Variants in MTA3 observed in about 807,000 individuals in gnomAD.
MTA3 encodes the protein metastasis-associated protein MTA3.
A neutral mutation model predicts 83.5 loss-of-function variants in MTA3; 34 were observed. The ratio of observed to expected loss-of-function variants is 0.41; its 90% CI spans 0.31 to 0.54. The LOEUF is 0.54. MTA3 is among the 20% of genes least tolerant of loss of function. The pLI, the probability that MTA3 is intolerant of heterozygous loss-of-function variation, is 0.33. For synonymous variants in MTA3, 303 were observed against 252.7 expected, an observed-to-expected ratio of 1.20 and a Z score of -1.89; for missense variants, 761 against 726.4, an observed-to-expected ratio of 1.05 and a Z score of -0.55.
chr2:42,743,279 G>A (rs538756011), intron 16 of MTA3, among the ~76,000 whole-genome samples: 3 of 152,320 alleles, frequency 2.0e-5, no homozygotes, highest in South Asian at 2.1e-4. Flanking sequence ...GGGACAAGGC[G>A]ATTGCCTGCT....
At chr2:42,530,492 A>G (rs79893866) in intron 2 of MTA3, among the ~76,000 whole-genome samples, 8 of 60,024 alleles carry the variant, frequency 1.3e-4, no homozygotes, top group Non-Finnish European at 2.1e-4. Context: ...GTCTCAAAGG[A>G]AAAAAAAAAG....
At chr2:42,741,178 C>A (rs547125009) in intron 16 of MTA3, among the ~76,000 whole-genome samples, 1 of 152,246 alleles carries the variant, frequency 6.6e-6, no homozygotes, top group African/African-American at 2.4e-5. Context: ...AACTTTTCTT[C>A]TCCAGCTTCC....
At chr2:42,517,376 G>C (rs527452237) in intron 2 of MTA3, among the ~76,000 whole-genome samples, 1 of 151,484 alleles carries the variant, frequency 6.6e-6, no homozygotes, top group East Asian at 2.0e-4. Flanking sequence ...GGTCAAGACC[G>C]GCATGGCCAA....
chr2:42,525,494 C>CCTTCTTTCCTTCCTTCCTTCCTTT (rs1675651123), intron 2 of MTA3, among the ~76,000 whole-genome samples: 1 of 149,570 alleles, frequency 6.7e-6, no homozygotes, highest in Non-Finnish European at 1.5e-5. Context: ...TTCCTTCCTT[C>CCTTCTTTCCTTCCTTCCTTCCTTT]CTTCCTTCCT....
At chr2:42,688,045 T>A (rs1219607678) in intron 9 of MTA3, among the ~76,000 whole-genome samples, 1 of 152,230 alleles carries the variant, frequency 6.6e-6, no homozygotes, top group African/African-American at 2.4e-5. Flanking sequence ...CTAGTTTGAA[T>A]GCAAATTGAT....
intron 2 of MTA3, chr2:42,511,876 G>C (rs1183602085): frequency 6.6e-6 from 1 of 152,014 alleles, no homozygotes; most frequent in Admixed American, 6.6e-5. Flanking sequence ...AATTAGCCCG[G>C]CGTCGTGGCG....
At chr2:42,513,651 G>C (rs1266064981) in intron 2 of MTA3, among the ~76,000 whole-genome samples, 2 of 152,178 alleles carry the variant, frequency 1.3e-5, no homozygotes, top group Admixed American at 1.3e-4. Flanking sequence ...AGAACTTCCA[G>C]GACAGAGAGA....
chr2:42,498,633 G>A (rs929816057), intron 2 of MTA3, among the ~76,000 whole-genome samples: 1 of 152,096 alleles, frequency 6.6e-6, no homozygotes, highest in South Asian at 2.1e-4. Context: ...AAAATGAGGT[G>A]GAATTTGGCT....
intron 9 of MTA3, among the ~76,000 whole-genome samples, chr2:42,694,992 T>G (rs145724481): frequency 4.9e-4 from 74 of 152,026 alleles, no homozygotes; most frequent in Admixed American, 1.8e-3. Context: ...TAAAAAAGAA[T>G]TAGCCGGGCA....
chr2:42,557,841 A>G (rs1440340825), intron 2 of MTA3, among the ~76,000 whole-genome samples: 2 of 152,166 alleles, frequency 1.3e-5, no homozygotes, highest in Non-Finnish European at 2.9e-5. Flanking sequence ...AGCAAATTCT[A>G]GTCTCTATTC....
At chr2:42,601,956 C>T (rs1051261496) in intron 3 of MTA3, among the ~76,000 whole-genome samples, 7 of 152,182 alleles carry the variant, frequency 4.6e-5, no homozygotes, top group African/African-American at 1.7e-4. Flanking sequence ...TCTCCCACCT[C>T]AGCCCCCTGA....
chr2:42,573,795 G>A (rs1678742709), intron 2 of MTA3, among the ~76,000 whole-genome samples: 1 of 151,970 alleles, frequency 6.6e-6, no homozygotes, highest in Non-Finnish European at 1.5e-5. Context: ...ACAGGCGTGA[G>A]CCACTGCCCC....
intron 2 of MTA3, among the ~76,000 whole-genome samples, chr2:42,540,055 G>A (rs13385655): frequency 0.34 from 51,339 of 151,832 alleles, 8,768 homozygotes; most frequent in South Asian, 0.41. Flanking sequence ...TTTAAATAAC[G>A]GGGGAGGGAT....
At chr2:42,691,769 A>G (rs1692921504) in intron 9 of MTA3, among the ~76,000 whole-genome samples, 1 of 152,178 alleles carries the variant, frequency 6.6e-6, no homozygotes, top group Admixed American at 6.5e-5. Context: ...TCACGTTTGA[A>G]GGACATTTTC....
rs182157528 is a variant in MTA3, at chr2:42,626,303, T to A, written c.318-13870T>A. 1.9e-3 allele frequency among the ~76,000 whole-genome samples: 281 copies of A among 150,080 alleles called. 3 individuals are homozygous for A. The highest frequency in any genetic ancestry group is 6.0e-3 in the African/African-American group (243 of 40,380). ...AGGCTGAACAGGAGCTCCATTTTTT[T>A]AAAATTTTTTTTGATTCGGAGTCTC... On this transcript the variant is annotated intron_variant, in intron 4 of 16. Transcript: ENST00000405094.
At chr2:42,507,503 T>C (rs1020462412) in intron 2 of MTA3, among the ~76,000 whole-genome samples, 1 of 152,076 alleles carries the variant, frequency 6.6e-6, no homozygotes, top group Admixed American at 6.5e-5. Flanking sequence ...AAAATAGTTA[T>C]GAGTGGTTAT....
intron 14 of MTA3, among the ~76,000 whole-genome samples, chr2:42,715,406 C>CTTT (rs35673744): frequency 1.5e-3 from 154 of 104,136 alleles, no homozygotes; most frequent in Non-Finnish European, 2.2e-3. Context: ...CCACCAACTA[C>CTTT]TTTTTTTTTT....
At chr2:42,642,488 T>C (rs766171116) in intron 5 of MTA3, among the ~76,000 whole-genome samples, 14 of 151,888 alleles carry the variant, frequency 9.2e-5, no homozygotes, top group African/African-American at 2.9e-4. Flanking sequence ...AGACGTCGTC[T>C]CTATTAAAAA....
intron 12 of MTA3, 107 bp downstream of exon 12, chr2:42,704,425 C>A: frequency 7.5e-7 from 1 of 1,331,418 alleles, no homozygotes; most frequent in Non-Finnish European, 1.0e-6. Context: ...TTGGAAGGCA[C>A]AAGCATGTCT....
Sources: gnomAD v4.1 joint callset for allele counts (sites outside exome capture counted in the v4.1 genomes callset) on GRCh38, gnomAD v4.1.1 for gene constraint, MANE v1.5 for transcripts, NCBI Gene and HGNC (gene_info 2026-07-23, HGNC 2026-07-21) for gene names.